The following PLEKHN1 variants were observed in gnomAD, a reference collection of about 807,000 sequenced individuals.
PLEKHN1 encodes pleckstrin homology domain containing N1.
PLEKHN1 carries 68 observed loss-of-function variants against 72.8 expected under a neutral mutation model. The observed-to-expected ratio is 0.93, with a 90% CI of 0.77 to 1.14. The LOEUF (loss-of-function observed/expected upper bound fraction) is 1.14, where lower values mean the gene tolerates loss of function less well. Ranked by LOEUF, PLEKHN1 falls within the 50% of genes most tolerant of loss-of-function variation. PLEKHN1 has a pLI of 0.00. For missense variants in PLEKHN1, 1,015 were observed against 840.5 expected (o/e 1.21, Z -2.57); for synonymous variants, 454 against 371.6 (o/e 1.22, Z -2.55).
chr1:966,826 C>T, intron 2 of PLEKHN1, 23 bp downstream of exon 2: 2 of 1,541,450 alleles, frequency 1.3e-6, no homozygotes, highest in East Asian at 2.4e-5. Context: ...TGCACGGTGG[C>T]TGTGGTCTGG....
chr1:966,716 G>GCGGATGTCGGC lies in PLEKHN1; in HGVS notation c.100_110dup (p.Leu38CysfsTer45). On this transcript the variant is annotated frameshift_variant, in exon 2 of 16. Transcript: ENST00000379410. LOFTEE classifies it high-confidence loss of function. ...GCCTTGTCCCCAGAGAGGACAGCGC[G>GCGGATGTCGGC]CGGATGTCGGCCGGCCTGCCGGGCC... is the stretch of plus-strand genomic sequence containing the variant. 1 of 1,573,966 alleles carries GCGGATGTCGGC rather than the reference G, an allele frequency of 6.4e-7. No individual in the cohort carries two copies. Among genetic ancestry groups the GCGGATGTCGGC allele is most frequent in the Non-Finnish European group, 8.6e-7 (1 of 1,160,062 alleles).
chr1:966,641 TG>T, intron 1 of PLEKHN1, 27 bp downstream of exon 1: 1 of 1,598,746 alleles, frequency 6.3e-7, no homozygotes, highest in Non-Finnish European at 8.5e-7. Flanking sequence ...TGCGGCCACC[TG>T]GGCGCAGGGC....
In PLEKHN1 at chr1:970,355, G is replaced by A. The variant is rs1643242232; in HGVS notation, c.262G>A (p.Val88Met). The change falls in exon 3 of 16, where the codon GTG becomes ATG. Residue 88 changes from valine (V) to methionine (M), a missense_variant. Transcript: ENST00000379410. The surrounding 1 kb of genome is among the most constrained non-coding windows in gnomAD (Gnocchi z 4.2). The stretch of plus-strand genomic sequence containing the variant: ...TGTGTTCAAGAAGGGGCGGCGGAGG[G>A]TGCCTGTGAGGAACCTGGGAAAAGT... ...LSVFKKGRRR[V>M]PVRNLGKVVH... is the part of the protein sequence containing the mutation. 1.2e-6 allele frequency: 2 copies of A among 1,613,578 alleles called. No homozygotes were observed. Among genetic ancestry groups the A allele is most frequent in the Middle Eastern group, 1.7e-4 (1 of 6,060 alleles).
rs750831547 is a variant in PLEKHN1, at chr1:973,921, G to A, written c.1523G>A (p.Arg508His). Residue 508 changes from arginine (R) to histidine (H), a missense_variant, in exon 14 of 16, where the codon CGC becomes CAC. By Grantham distance (29) the Arg-to-His change is conservative. Coordinates refer to ENST00000379410, the MANE Select transcript of PLEKHN1 (RefSeq NM_032129.3). ...GTGTCTGTGCCTGCCTCTGACCCTC[G>A]CTCCTGCTCCTCCGGCCCCGCTGGC... is the stretch of plus-strand genomic sequence containing the variant. Reference protein sequence around the residue: ...VPVSVPASDPRSCSSGPAGPY... With the variant: ...VPVSVPASDPHSCSSGPAGPY... 6.8e-6 allele frequency: 11 copies of A among 1,611,198 alleles called. No homozygotes were observed. The African/African-American group carries it at 8.0e-5, about 12-fold the overall frequency.
chr1:968,584 G>C (rs561916054), intron 2 of PLEKHN1, among the ~76,000 whole-genome samples: 7 of 152,348 alleles, frequency 4.6e-5, no homozygotes, highest in Admixed American at 3.9e-4. Context: ...TGTTCTGCTA[G>C]TGCTCCCATT....
chr1:973,140 G>A, intron 11 of PLEKHN1, 46 bp from the exon 12 acceptor site: 1 of 1,497,600 alleles, frequency 6.7e-7, no homozygotes, highest in South Asian at 1.3e-5. Context: ...AGTTGCACGG[G>A]AGAGGGGCCA....
rs199912471 is a variant in PLEKHN1 at position 970,776 on chromosome 1, C to T, written c.484+18C>T. 370 of 1,612,648 alleles carry T rather than the reference C, an allele frequency of 2.3e-4. 3 individuals carry two copies. In the African/African-American group the frequency reaches 3.4e-3, roughly 15 times the overall value. On this transcript the variant is annotated intron_variant, in intron 5 of 15. Transcript: ENST00000379410. The surrounding 1 kb of genome is among the most constrained non-coding windows in gnomAD (Gnocchi z 4.2). ...GATCACAGGTGTTTGGGATGCTTCC[C>T]GGGCCCCCAGAGGCACTCCTGACCC...
rs777412677 is a variant in PLEKHN1 at position 970,630 on chromosome 1, A to G, written c.411+29A>G. 9.3e-6 allele frequency: 15 copies of G among 1,607,298 alleles called. No homozygotes were observed. The African/African-American group carries it at 1.3e-4, about 14-fold the overall frequency. Reference sequence around the variant, plus strand: ...AGGCGGTGGGCAATGGGGTGGGGCCATGGCCGCCCTTCCCTCCATGGATCC... The same window carrying G: ...AGGCGGTGGGCAATGGGGTGGGGCCGTGGCCGCCCTTCCCTCCATGGATCC... On this transcript the variant is annotated intron_variant, in intron 4 of 15. Coordinates refer to ENST00000379410, the MANE Select transcript of PLEKHN1 (RefSeq NM_032129.3). This position sits in a 1 kb window ranked among gnomAD's most constrained non-coding sequence, Gnocchi z 4.2.
intron 2 of PLEKHN1, 57 bp downstream of exon 2, chr1:966,860 T>A (rs1405630297): frequency 6.7e-7 from 1 of 1,495,208 alleles, no homozygotes; most frequent in Non-Finnish European, 8.9e-7. Flanking sequence ...CCCGCGCGTG[T>A]GTGCCGTGTG....
intron 2 of PLEKHN1, among the ~76,000 whole-genome samples, chr1:969,448 T>G (rs887017557): frequency 6.6e-6 from 1 of 152,120 alleles, no homozygotes; most frequent in Non-Finnish European, 1.5e-5. Context: ...TGTGTGTGTG[T>G]GGAAATGTAT....
intron 8 of PLEKHN1, 23 bp downstream of exon 8, chr1:971,427 C>A (rs1334186680): frequency 6.4e-7 from 1 of 1,553,066 alleles, no homozygotes; most frequent in Admixed American, 1.9e-5. Flanking sequence ...CCACTGTGGG[C>A]CCGCCCCAGG....
Position 969,760 on chromosome 1 carries a change from TGTG to T in PLEKHN1, c.184-516_184-514del, listed in dbSNP as rs1217613430. Among the ~76,000 whole-genome samples the T allele has an allele frequency of 1.7e-4, 26 of 151,460 alleles. No homozygotes were observed. The South Asian group carries it at 4.0e-3, about 23-fold the overall frequency. On this transcript the variant is annotated intron_variant, in intron 2 of 15. Coordinates refer to ENST00000379410, the MANE Select transcript of PLEKHN1 (RefSeq NM_032129.3). ...TATTGTGTGGCATGTATGTGTCTAT[TGTG>T]TGTGTATGCATGTGTGCGTGTATGC...
rs1264704635 is a variant in PLEKHN1 at position 971,165 on chromosome 1, CTGTCTGTGCCTCGA to C, written c.666_679del (p.Val223GlyfsTer61). ...TCAGGGCACGAACCCGGCGGCAGTG[CTGTCTGTGCCTCGA>C]GGGTCAAGCTGCAGCACCTGCCCGC... On this transcript the variant is annotated frameshift_variant, in exon 7 of 16. Transcript: ENST00000379410. LOFTEE classifies it high-confidence loss of function. The C allele has an allele frequency of 1.3e-6, 2 of 1,598,076 alleles. No homozygotes were observed. Among genetic ancestry groups the C allele is most frequent in the Admixed American group, 3.4e-5 (2 of 58,202 alleles).
Position 973,487 on chromosome 1 carries a change from C to T in PLEKHN1, c.1294-13C>T, listed in dbSNP as rs777404168. Reference sequence around the variant, plus strand: ...TAGCCGAGAAGCCCATTTCTCCCACCTCTGCCCTGCAGCTGCACAGGCTGA... The same window carrying T: ...TAGCCGAGAAGCCCATTTCTCCCACTTCTGCCCTGCAGCTGCACAGGCTGA... On this transcript the variant is annotated splice_polypyrimidine_tract_variant and intron_variant, in intron 12 of 15. Coordinates refer to ENST00000379410, the MANE Select transcript of PLEKHN1 (RefSeq NM_032129.3). The T allele has an allele frequency of 3.7e-6, 6 of 1,611,834 alleles. 1 individual carries two copies. The East Asian group carries it at 6.7e-5, about 18-fold the overall frequency.
Position 973,290 on chromosome 1 carries a change from C to T in PLEKHN1, c.1257C>T (p.Arg419=), listed in dbSNP as rs937172119. The T allele has an allele frequency of 2.9e-5, 45 of 1,541,808 alleles. No individual in the cohort carries two copies. The highest frequency in any genetic ancestry group is 2.0e-4 in the Middle Eastern group (1 of 5,066). The change falls in exon 12 of 16, where the codon CGC becomes CGT. Residue 419 remains arginine, a synonymous_variant. Coordinates refer to ENST00000379410, the MANE Select transcript of PLEKHN1 (RefSeq NM_032129.3). ...SPGSKARAEG[R]GPVTPLHLDL... ...GGAGCAAGGCCCGGGCAGAGGGCCG[C>T]GGCCCTGTCACCCCACTGCACCTGG...
chr1:969,854 G>A (rs913282908), intron 2 of PLEKHN1, among the ~76,000 whole-genome samples: 8 of 151,380 alleles, frequency 5.3e-5, no homozygotes, highest in Non-Finnish European at 1.0e-4. Context: ...GCACGTATCG[G>A]GTGTGTGTGC....
chr1:971,513 G>C, intron 8 of PLEKHN1, 109 bp downstream of exon 8: 1 of 1,054,696 alleles, frequency 9.5e-7, no homozygotes, highest in Non-Finnish European at 1.4e-6. Context: ...GAGACAGAGC[G>C]CAGGGCCCTG....
chr1:974,487 T>C lies in PLEKHN1; in HGVS notation c.1748T>C (p.Leu583Pro). The part of the protein sequence containing the change: ...RRSRDPGYDH[L>P]WDETLSSSHQ... Reference sequence around the variant, plus strand: ...AGCCGGGACCCCGGCTACGACCACCTCTGGGACGAGACTTTGTCTTCCTCC... The same window carrying C: ...AGCCGGGACCCCGGCTACGACCACCCCTGGGACGAGACTTTGTCTTCCTCC... Residue 583 changes from leucine to proline, a missense_variant, in exon 16 of 16, where the codon CTC (leucine) becomes CCC (proline). Coordinates refer to ENST00000379410, the MANE Select transcript of PLEKHN1 (RefSeq NM_032129.3). 1 of 1,612,692 alleles carries C rather than the reference T, an allele frequency of 6.2e-7. No individual in the cohort carries two copies. The highest frequency in any genetic ancestry group is 8.5e-7 in the Non-Finnish European group (1 of 1,179,920).
rs566795745 is a variant in PLEKHN1, at chr1:974,161, G to A, written c.1653+110G>A. ...GCAGGGAGGGAAACAGGAGGACGGG[G>A]GCAGATGGAGGCCAGGGGGGCCAGT... On this transcript the variant is annotated intron_variant, in intron 14 of 15. Transcript: ENST00000379410. 127 of 1,476,972 alleles carry A rather than the reference G, an allele frequency of 8.6e-5. 1 individual carries two copies. Among genetic ancestry groups the A allele is most frequent in the Middle Eastern group, 2.3e-4 (1 of 4,290 alleles). The allele number at this position is 1,476,972 out of a possible 1,614,324, so 91.5% of individuals were successfully genotyped here.
Sources: gnomAD v4.1 joint callset for allele counts (sites outside exome capture counted in the v4.1 genomes callset) on GRCh38, gnomAD v4.1.1 for gene constraint, Gnocchi (gnomAD v3.1) non-coding constraint, MANE v1.5 for transcripts, NCBI Gene and HGNC (gene_info 2026-07-23, HGNC 2026-07-21) for gene names.